The following GLT8D2 variants were observed in gnomAD, a reference collection of about 807,000 sequenced individuals.
GLT8D2 encodes glycosyltransferase 8 domain-containing protein 2.
In GLT8D2, 45 loss-of-function variants were observed where a neutral mutation model predicts 44.5. The observed-to-expected ratio is 1.01, with a 90% CI of 0.80 to 1.30. The LOEUF (loss-of-function observed/expected upper bound fraction) is 1.30. Ranked by LOEUF, GLT8D2 falls within the 50% of genes most tolerant of loss-of-function variation. The probability of loss-of-function intolerance (pLI) is 0.00; values close to 1 mark genes in which losing one functional copy is unlikely to be tolerated. For synonymous variants in GLT8D2, 156 were observed against 157.2 expected, an observed-to-expected ratio of 0.99 and a Z score of 0.06; for missense variants, 400 against 430.4, an observed-to-expected ratio of 0.93 and a Z score of 0.62.
At chr12:103,997,556 A>T (rs1185268686) in intron 6 of GLT8D2, 21 bp from the exon 7 acceptor site, 7 of 1,573,034 alleles carry the variant, frequency 4.4e-6, no homozygotes, top group Non-Finnish European at 6.1e-6. Flanking sequence ...GACAAAAGAA[A>T]TGATGGTGGG....
At chr12:104,036,301 CA>C (rs1176896865) in intron 1 of GLT8D2, among the ~76,000 whole-genome samples, 1 of 152,178 alleles carries the variant, frequency 6.6e-6, no homozygotes, top group East Asian at 1.9e-4. Flanking sequence ...ATCAAATTCA[CA>C]CATAACAATA....
chr12:104,042,286 C>G (rs1880644977), intron 1 of GLT8D2, among the ~76,000 whole-genome samples: 1 of 152,180 alleles, frequency 6.6e-6, no homozygotes, highest in Non-Finnish European at 1.5e-5. Flanking sequence ...TTGCATGGGG[C>G]CATAATGGCT....
At chr12:104,009,279 A>C (rs549488309) in intron 4 of GLT8D2, among the ~76,000 whole-genome samples, 20 of 152,226 alleles carry the variant, frequency 1.3e-4, no homozygotes, top group Non-Finnish European at 2.4e-4. Flanking sequence ...GTCTTGCATC[A>C]GCATGACCTG....
chr12:104,040,826 G>A (rs1364734227), intron 1 of GLT8D2, among the ~76,000 whole-genome samples: 1 of 152,186 alleles, frequency 6.6e-6, no homozygotes, highest in Non-Finnish European at 1.5e-5. Flanking sequence ...TTTACTGGGT[G>A]TAAATTTGTA....
chr12:103,989,761 T>C (rs1007023861), intron 10 of GLT8D2, among the ~76,000 whole-genome samples, 184 bp from the exon 11 acceptor site: 1 of 152,136 alleles, frequency 6.6e-6, no homozygotes, highest in African/African-American at 2.4e-5. Context: ...CTTCTAGTAG[T>C]GTTATAGCAT....
chr12:104,005,376 A>G (rs960214530), intron 4 of GLT8D2, among the ~76,000 whole-genome samples: 5 of 152,354 alleles, frequency 3.3e-5, no homozygotes, highest in African/African-American at 9.6e-5. Context: ...GCCAAAATTG[A>G]CAAATGGGAT....
chr12:104,007,348 A>G (rs1309004658), intron 4 of GLT8D2, among the ~76,000 whole-genome samples: 1 of 145,692 alleles, frequency 6.9e-6, no homozygotes, highest in African/African-American at 2.5e-5. Flanking sequence ...CCTGAGGTCC[A>G]GGGTAGTTCT....
At chr12:104,002,450 T>G (rs1232455255) in intron 5 of GLT8D2, among the ~76,000 whole-genome samples, 1 of 152,240 alleles carries the variant, frequency 6.6e-6, no homozygotes, top group Non-Finnish European at 1.5e-5. Flanking sequence ...ATAGCTTCAC[T>G]TGTATTTTTC....
chr12:104,016,643 A>C (rs549136524), intron 3 of GLT8D2, among the ~76,000 whole-genome samples: 58 of 148,672 alleles, frequency 3.9e-4, no homozygotes, highest in African/African-American at 1.4e-3. Flanking sequence ...AAAAAGAAAG[A>C]AGGAGAGAAA....
At chr12:104,043,581 C>T (rs1880790048) in intron 1 of GLT8D2, among the ~76,000 whole-genome samples, 1 of 152,196 alleles carries the variant, frequency 6.6e-6, no homozygotes, top group Non-Finnish European at 1.5e-5. Context: ...ATTCTCCTGC[C>T]TCAGCCTCCC....
At chr12:103,989,730 ACT>A (rs1326602366) in intron 10 of GLT8D2, among the ~76,000 whole-genome samples, 153 bp from the exon 11 acceptor site, 1 of 152,290 alleles carries the variant, frequency 6.6e-6, no homozygotes, top group Admixed American at 6.5e-5. Flanking sequence ...CAAATCAACC[ACT>A]GTTAGTCTCT....
At chr12:104,018,655 C>CTT (rs1470264366) in intron 3 of GLT8D2, among the ~76,000 whole-genome samples, 1 of 152,168 alleles carries the variant, frequency 6.6e-6, no homozygotes, top group African/African-American at 2.4e-5. Context: ...GGGTGGATCA[C>CTT]TTGAGGTCAG....
intron 2 of GLT8D2, among the ~76,000 whole-genome samples, chr12:104,019,908 T>G (rs1877402234): frequency 6.6e-6 from 1 of 152,206 alleles, no homozygotes; most frequent in Non-Finnish European, 1.5e-5. Flanking sequence ...GCTAATCTTT[T>G]GTCTTCAGAA....
intron 1 of GLT8D2, among the ~76,000 whole-genome samples, chr12:104,041,627 G>A (rs75069499): frequency 0.033 from 5,025 of 152,186 alleles, 281 homozygotes; most frequent in African/African-American, 0.12. Flanking sequence ...GCCCAACCCA[G>A]GACAAGAAGG....
At position 103,989,327 on chromosome 12, in the gene GLT8D2, C is replaced by T. The variant is rs1872416541; in HGVS notation, c.*81G>A. On this transcript the variant is annotated 3_prime_UTR_variant, in exon 11 of 11. Coordinates refer to ENST00000360814, the MANE Select transcript of GLT8D2 (RefSeq NM_001384711.1). Reference sequence around the variant, plus strand: ...GATCATATGTATCAAAGGTAATATTCATAAAGAACAATGTTATAGTTGGCT... The same window carrying T: ...GATCATATGTATCAAAGGTAATATTTATAAAGAACAATGTTATAGTTGGCT... 3.3e-6 allele frequency: 4 copies of T among 1,201,634 alleles called. No homozygotes were observed. Among genetic ancestry groups the T allele is most frequent in the Non-Finnish European group, 4.6e-6 (4 of 864,296 alleles). The allele number at this position is 1,201,634 out of a possible 1,614,324, so 74.4% of individuals were successfully genotyped here. A position where few individuals can be genotyped will look rare whatever the true frequency, so the allele number is the denominator to read the frequency against.
chr12:104,063,675 T>G (rs544132006), intron 1 of GLT8D2, among the ~76,000 whole-genome samples: 16 of 152,350 alleles, frequency 1.1e-4, no homozygotes, highest in African/African-American at 3.1e-4. Flanking sequence ...TCAGAAGCCC[T>G]GTGTTGGAAT....
intron 1 of GLT8D2, among the ~76,000 whole-genome samples, chr12:104,037,231 C>A (rs1232377913): frequency 6.6e-6 from 1 of 152,124 alleles, no homozygotes; most frequent in Non-Finnish European, 1.5e-5. Context: ...AAAATCGACA[C>A]CCTAACATCA....
chr12:104,028,585 C>T (rs1183172870), intron 1 of GLT8D2, among the ~76,000 whole-genome samples: 1 of 152,140 alleles, frequency 6.6e-6, no homozygotes, highest in Non-Finnish European at 1.5e-5. Flanking sequence ...CATATAAGAA[C>T]CCCTTCCCTT....
At chr12:103,996,324 T>A (rs1406224667) in intron 8 of GLT8D2, among the ~76,000 whole-genome samples, 1 of 152,198 alleles carries the variant, frequency 6.6e-6, no homozygotes, top group African/African-American at 2.4e-5. Flanking sequence ...AACCAATGGT[T>A]CAGCAAGTCT....
Sources: allele counts gnomAD v4.1 joint callset (sites outside exome capture counted in the v4.1 genomes callset), GRCh38; gene constraint gnomAD v4.1.1; transcripts MANE v1.5; gene names NCBI Gene and HGNC (gene_info 2026-07-23, HGNC 2026-07-21).